MSR1: variants seen among roughly 807,000 people sequenced by gnomAD.
MSR1 encodes the protein macrophage scavenger receptor 1, also known as macrophage scavenger receptor types I and II.
Under a neutral mutation model 47.2 loss-of-function variants are expected in MSR1, and 53 were observed. The observed-to-expected ratio is 1.12, with a 90% CI of 0.90 to 1.41. The LOEUF (loss-of-function observed/expected upper bound fraction) is 1.41, where lower values mean the gene tolerates loss of function less well. Ranked by LOEUF, MSR1 falls within the 40% of genes most tolerant of loss-of-function variation. The pLI is 0.00. For missense variants in MSR1, 786 were observed against 546.9 expected (o/e 1.44, Z -4.36); for synonymous variants, 239 against 185.6 (o/e 1.29, Z -2.34).
chr8:16,185,077 T>C (rs1358063206), intron 1 of MSR1, among the ~76,000 whole-genome samples: 1 of 152,056 alleles, frequency 6.6e-6, no homozygotes, highest in Non-Finnish European at 1.5e-5. Context: ...CCATGGGAAG[T>C]CTGTTTGCTT....
At chr8:16,152,510 G>A (rs1185709250) in intron 6 of MSR1, among the ~76,000 whole-genome samples, 2 of 152,082 alleles carry the variant, frequency 1.3e-5, no homozygotes, top group South Asian at 2.1e-4. Context: ...GACTACGTAA[G>A]GAAGTAAATA....
At position 16,192,602 on chromosome 8, in the gene MSR1, C is replaced by T. The variant is rs1420741540; in HGVS notation, c.-9G>A. 1 of 151,536 alleles carries T rather than the reference C, an allele frequency of 6.6e-6. No individual in the cohort carries two copies. Among genetic ancestry groups the T allele is most frequent in the Admixed American group, 6.6e-5 (1 of 15,204 alleles). 9.4% of individuals were successfully genotyped at this position (151,536 alleles called of 1,614,324 possible). A position where few individuals can be genotyped will look rare whatever the true frequency, so the allele number is the denominator to read the frequency against. ...TAAGCCTTTTTTTTTCTTTACCTTT[C>T]GTCCTAAAGAAAGCAGCACTGATTT... is the stretch of plus-strand genomic sequence containing the variant. On this transcript the variant is annotated 5_prime_UTR_variant, in exon 1 of 10. Coordinates refer to ENST00000262101, the MANE Select transcript of MSR1 (RefSeq NM_138715.3).
intron 8 of MSR1, among the ~76,000 whole-genome samples, chr8:16,131,579 T>C (rs755470135): frequency 2.0e-5 from 3 of 151,852 alleles, no homozygotes; most frequent in Non-Finnish European, 2.9e-5. Context: ...AGAATGGTAT[T>C]TCATAGGTTA....
Position 16,110,015 on chromosome 8 carries a change from T to G in MSR1, c.*70A>C. On this transcript the variant is annotated 3_prime_UTR_variant, in exon 10 of 10. Coordinates refer to ENST00000262101, the MANE Select transcript of MSR1 (RefSeq NM_138715.3). Reference sequence around the variant, plus strand: ...TCTCTTAAATATTGATTAAATGGATTTTACAGGAACAAGGTAATAAAATCA... The same window carrying G: ...TCTCTTAAATATTGATTAAATGGATGTTACAGGAACAAGGTAATAAAATCA... 6.3e-7 allele frequency: 1 copy of G among 1,581,330 alleles called. No individual in the cohort carries two copies. The highest frequency in any genetic ancestry group is 1.7e-4 in the Middle Eastern group (1 of 5,978).
chr8:16,160,808 T>G lies in MSR1; in HGVS notation c.817+3257A>C, dbSNP rs985967923. On this transcript the variant is annotated intron_variant, in intron 5 of 9. Transcript: ENST00000262101. ...ATTAACTTTTACTTGTTCGTGGCACTTCATTCTTCCACATTTCCAAGCTAG... is the reference window on the plus strand; with the variant it reads ...ATTAACTTTTACTTGTTCGTGGCACGTCATTCTTCCACATTTCCAAGCTAG... 1.4e-4 allele frequency among the ~76,000 whole-genome samples: 21 copies of G among 151,942 alleles called. 1 individual carries two copies. Among genetic ancestry groups the G allele is most frequent in the Non-Finnish European group, 3.1e-4 (21 of 67,948 alleles).
In MSR1 at chr8:16,165,906, C is replaced by A. The variant is rs562858876; in HGVS notation, c.631-1655G>T. On this transcript the variant is annotated intron_variant, in intron 4 of 9. Coordinates refer to ENST00000262101, the MANE Select transcript of MSR1 (RefSeq NM_138715.3). ...TTCTCTATCTTGCACCTCCTCCTCC[C>A]CTGACCATTTAATATTTTCTGTACA... 5.3e-5 allele frequency among the ~76,000 whole-genome samples: 8 copies of A among 152,226 alleles called. No individual in the cohort carries two copies. The South Asian group carries it at 6.2e-4, about 12-fold the overall frequency.
Position 16,110,006 on chromosome 8 carries a change from T to A in MSR1, c.*79A>T. On this transcript the variant is annotated 3_prime_UTR_variant, in exon 10 of 10. Transcript: ENST00000262101. The stretch of plus-strand genomic sequence containing the variant: ...TATTCTTAATCTCTTAAATATTGAT[T>A]AAATGGATTTTACAGGAACAAGGTA... 6.4e-7 allele frequency: 1 copy of A among 1,552,026 alleles called. No homozygotes were observed. The highest frequency in any genetic ancestry group is 8.9e-7 in the Non-Finnish European group (1 of 1,128,414).
intron 2 of MSR1, 35 bp from the exon 3 acceptor site, chr8:16,175,335 A>T: frequency 3.3e-6 from 5 of 1,500,984 alleles, no homozygotes; most frequent in Non-Finnish European, 4.6e-6. Context: ...TACTGTTAGA[A>T]AGTGTTGTCT....
rs752534069 is a variant in MSR1, at chr8:16,150,297, T to C, written c.913A>G (p.Lys305Glu). 6.3e-7 allele frequency: 1 copy of C among 1,576,166 alleles called. No individual in the cohort carries two copies. The highest frequency in any genetic ancestry group is 8.6e-7 in the Non-Finnish European group (1 of 1,158,240). Residue 305 changes from lysine (K) to glutamate (E), a missense_variant, in exon 7 of 10, where the codon AAA becomes GAA. Physicochemically the swap from Lys to Glu is moderately conservative, Grantham distance 56. Coordinates refer to ENST00000262101, the MANE Select transcript of MSR1 (RefSeq NM_138715.3). ...FPGPIGPPGL[K>E]GDRGAIGFPG... is the part of the protein sequence containing the mutation. ...AAGCCAATTGCTCCCCGATCACCTT[T>C]AAGACCCGGAGGACCTACATTATTA...
intron 1 of MSR1, among the ~76,000 whole-genome samples, chr8:16,192,127 G>T (rs1233564856): frequency 6.6e-6 from 1 of 151,970 alleles, no homozygotes; most frequent in African/African-American, 2.4e-5. Context: ...TCAATGAAGT[G>T]CATATAGTAG....
intron 5 of MSR1, 43 bp from the exon 6 acceptor site, chr8:16,155,187 G>A (rs765792819): frequency 3.4e-6 from 5 of 1,455,966 alleles, no homozygotes; most frequent in African/African-American, 1.4e-5. Flanking sequence ...GTAAAGCATA[G>A]GAAAAATGGG....
At chr8:16,110,447 C>T (rs1799732017) in intron 9 of MSR1, among the ~76,000 whole-genome samples, 1 of 152,036 alleles carries the variant, frequency 6.6e-6, no homozygotes, top group African/African-American at 2.4e-5. Context: ...AGAGCTCTAA[C>T]AAAGTTACCT....
At chr8:16,146,458 G>A (rs553271953) in intron 7 of MSR1, among the ~76,000 whole-genome samples, 3 of 151,940 alleles carry the variant, frequency 2.0e-5, no homozygotes, top group African/African-American at 7.2e-5. Flanking sequence ...CTTGAGAGTT[G>A]AGTCTACCAC....
At chr8:16,179,795 T>G (rs1801770505) in intron 1 of MSR1, among the ~76,000 whole-genome samples, 1 of 146,048 alleles carries the variant, frequency 6.8e-6, no homozygotes. Context: ...TAAAATCGCT[T>G]GTACCCGGAA....
intron 1 of MSR1, among the ~76,000 whole-genome samples, chr8:16,188,173 T>G (rs984202607): frequency 6.6e-6 from 1 of 152,130 alleles, no homozygotes; most frequent in African/African-American, 2.4e-5. Flanking sequence ...ATATCAGCAT[T>G]TTATCAAGTG....
rs1363888383 is a variant in MSR1 at position 16,189,869 on chromosome 8, G to A, written c.-5+2729C>T. ...TTTTAAACTTTTTTTCCTTTTCCCAGGGGGCAATGCTTCACTGATATAAAT... is the reference window on the plus strand; with the variant it reads ...TTTTAAACTTTTTTTCCTTTTCCCAAGGGGCAATGCTTCACTGATATAAAT... On this transcript the variant is annotated intron_variant, in intron 1 of 9. Coordinates refer to ENST00000262101, the MANE Select transcript of MSR1 (RefSeq NM_138715.3). Among the ~76,000 whole-genome samples the A allele has an allele frequency of 2.7e-5, 4 of 145,506 alleles. No individual in the cohort carries two copies. The South Asian group carries it at 8.5e-4, about 31-fold the overall frequency.
chr8:16,164,008 G>T, intron 5 of MSR1, 57 bp downstream of exon 5: 1 of 1,312,108 alleles, frequency 7.6e-7, no homozygotes. Context: ...ATCTCTGCAT[G>T]TATCAGTATA....
Position 16,164,075 on chromosome 8 carries a change from A to G in MSR1, c.807T>C (p.Thr269=). ...GACAAGACATTTTACCTTGAATTAAAGTGATATTTCTCAAGGTCTGAGAAT... is the reference window on the plus strand; with the variant it reads ...GACAAGACATTTTACCTTGAATTAAGGTGATATTTCTCAAGGTCTGAGAAT... ...WEHSQTLRNI[T]LIQGPPGPPG... Residue 269 remains threonine, a synonymous_variant, in exon 5 of 10, where the codon ACT becomes ACC. Transcript: ENST00000262101. The G allele has an allele frequency of 6.2e-7, 1 of 1,607,582 alleles. No homozygotes were observed. Among genetic ancestry groups the G allele is most frequent in the Non-Finnish European group, 8.5e-7 (1 of 1,175,656 alleles).
chr8:16,186,302 C>T, intron 1 of MSR1: 1 of 1,081,030 alleles, frequency 9.3e-7, no homozygotes. Context: ...GTTCTGTTTT[C>T]TCTCCTATTT....
Sources: gnomAD v4.1 joint callset for allele counts (sites outside exome capture counted in the v4.1 genomes callset) on GRCh38, gnomAD v4.1.1 for gene constraint, MANE v1.5 for transcripts, NCBI Gene and HGNC (gene_info 2026-07-23, HGNC 2026-07-21) for gene names.